Variants in CDKL4 observed in about 807,000 individuals in gnomAD.
CDKL4 encodes cyclin dependent kinase like 4, also known as cyclin-dependent kinase-like 4.
In CDKL4, 44 loss-of-function variants were observed where a neutral mutation model predicts 42.0. The observed-to-expected ratio is 1.05, with a 90% CI of 0.82 to 1.35. The LOEUF is 1.35. Ranked by LOEUF, CDKL4 falls within the 40% of genes most tolerant of loss-of-function variation. CDKL4 has a pLI of 0.00. For synonymous variants in CDKL4, 120 were observed against 121.6 expected, an observed-to-expected ratio of 0.99 and a Z score of 0.09; for missense variants, 393 against 369.9, an observed-to-expected ratio of 1.06 and a Z score of -0.51.
intron 3 of CDKL4, among the ~76,000 whole-genome samples, chr2:39,213,978 C>A (rs1041984135): frequency 6.6e-6 from 1 of 151,984 alleles, no homozygotes; most frequent in East Asian, 1.9e-4. Context: ...AGTGCAGTGG[C>A]ATGATCTCAG....
At chr2:39,239,085 C>T (rs1052999186) in intron 1 of CDKL4, among the ~76,000 whole-genome samples, 1 of 152,082 alleles carries the variant, frequency 6.6e-6, no homozygotes, top group Non-Finnish European at 1.5e-5. Flanking sequence ...TGCAGCAATT[C>T]GACAAGGAAA....
chr2:39,184,390 A>C (rs1287240314), intron 8 of CDKL4, among the ~76,000 whole-genome samples: 1 of 152,142 alleles, frequency 6.6e-6, no homozygotes, highest in African/African-American at 2.4e-5. Flanking sequence ...CTCATCTACT[A>C]ATGTTAATAG....
At chr2:39,207,069 C>T (rs866739557) in intron 4 of CDKL4, among the ~76,000 whole-genome samples, 18 of 152,102 alleles carry the variant, frequency 1.2e-4, no homozygotes, top group African/African-American at 4.1e-4. Context: ...CTTAAAAGTA[C>T]TAAGGCCTTA....
intron 5 of CDKL4, among the ~76,000 whole-genome samples, chr2:39,199,035 T>C (rs1178624979): frequency 2.0e-5 from 3 of 151,834 alleles, no homozygotes. Context: ...CCACAAAAGA[T>C]AAATGAAACA....
At chr2:39,215,393 G>A (rs1677855166) in intron 3 of CDKL4, among the ~76,000 whole-genome samples, 1 of 152,008 alleles carries the variant, frequency 6.6e-6, no homozygotes, top group Non-Finnish European at 1.5e-5. Context: ...TGTTATATAT[G>A]CTGCAAATAT....
At position 39,185,332 on chromosome 2, in the gene CDKL4, A is replaced by G. The variant is rs1327685976; in HGVS notation, c.736-685T>C. On this transcript the variant is annotated intron_variant, in intron 7 of 9. Transcript: ENST00000451199. ...TGTATATATACATATATATACACAT[A>G]TGTATATATATACACATATGTATAT... Among the ~76,000 whole-genome samples the G allele has an allele frequency of 9.6e-5, 10 of 104,688 alleles. 2 individuals are homozygous for G. Among genetic ancestry groups the G allele is most frequent in the East Asian group, 2.4e-4 (1 of 4,138 alleles). 68.7% of individuals were successfully genotyped at this position (104,688 alleles called of 152,430 possible).
intron 1 of CDKL4, among the ~76,000 whole-genome samples, 126 bp downstream of exon 1, chr2:39,243,745 G>A (rs1031998229): frequency 3.3e-5 from 5 of 152,216 alleles, no homozygotes; most frequent in African/African-American, 1.2e-4. Flanking sequence ...AGGCGGTCCC[G>A]CTTTTCTTTC....
chr2:39,173,560 A>G (rs1263097764), downstream of CDKL4, among the ~76,000 whole-genome samples: 1 of 152,146 alleles, frequency 6.6e-6, no homozygotes, highest in African/African-American at 2.4e-5. Flanking sequence ...CTGTAATCCC[A>G]GCACTTTGGG....
exon 6 of CDKL4, chr2:39,190,309 T>C (rs769521120): frequency 3.7e-6 from 6 of 1,613,710 alleles, no homozygotes; most frequent in Non-Finnish European, 5.1e-6. Context: ...TCATACCTAG[T>C]GTTCTGATTA....
chr2:39,210,567 G>A (rs879935044), intron 4 of CDKL4, among the ~76,000 whole-genome samples: 1 of 152,080 alleles, frequency 6.6e-6, no homozygotes, highest in Non-Finnish European at 1.5e-5. Context: ...TCCAATTTAG[G>A]TATTAAAGAG....
chr2:39,220,981 TTTTTTTTTTTTTTTTTTTTG>T (rs1678294100), intron 3 of CDKL4, among the ~76,000 whole-genome samples: 1 of 40,676 alleles, frequency 2.5e-5, no homozygotes, highest in African/African-American at 4.5e-5. Context: ...ACGATCTTTT[TTTTTTTTTTTTTTTTTTTTG>T]TTTTTTTTTT....
At chr2:39,236,802 G>C (rs534852152) in intron 1 of CDKL4, among the ~76,000 whole-genome samples, 1 of 152,242 alleles carries the variant, frequency 6.6e-6, no homozygotes, top group South Asian at 2.1e-4. Flanking sequence ...GGTTGGACAA[G>C]TGCCTAGAAA....
intron 3 of CDKL4, among the ~76,000 whole-genome samples, chr2:39,214,695 T>C (rs1677807273): frequency 6.6e-6 from 1 of 152,188 alleles, no homozygotes; most frequent in African/African-American, 2.4e-5. Flanking sequence ...ACTTGGAAGA[T>C]GGCTCTTCAA....
chr2:39,214,147 T>C (rs1371830727), intron 3 of CDKL4, among the ~76,000 whole-genome samples: 1 of 152,154 alleles, frequency 6.6e-6, no homozygotes, highest in African/African-American at 2.4e-5. Context: ...GGTCTTGAAC[T>C]CTCGACCTCA....
downstream of CDKL4, among the ~76,000 whole-genome samples, chr2:39,175,109 A>G (rs1675112367): frequency 6.6e-6 from 1 of 152,160 alleles, no homozygotes; most frequent in African/African-American, 2.4e-5. Flanking sequence ...TGTGTTTACA[A>G]ACCAACCTGA....
chr2:39,197,557 G>A (rs1383602957), intron 5 of CDKL4, among the ~76,000 whole-genome samples: 2 of 152,054 alleles, frequency 1.3e-5, no homozygotes, highest in African/African-American at 4.8e-5. Flanking sequence ...CTAAAATCAA[G>A]ACAAAGGAAA....
intron 3 of CDKL4, among the ~76,000 whole-genome samples, chr2:39,222,062 G>T (rs1044778850): frequency 6.6e-6 from 1 of 152,122 alleles, no homozygotes; most frequent in African/African-American, 2.4e-5. Flanking sequence ...TTTTTTGAGC[G>T]AAAGAATGCT....
intron 8 of CDKL4, among the ~76,000 whole-genome samples, chr2:39,180,544 A>G (rs1370375471): frequency 2.0e-5 from 3 of 152,152 alleles, no homozygotes; most frequent in Non-Finnish European, 4.4e-5. Context: ...AACTAGACTT[A>G]CTGGTCCCTC....
chr2:39,185,132 A>G (rs1157304289), intron 7 of CDKL4, among the ~76,000 whole-genome samples: 3 of 139,654 alleles, frequency 2.1e-5, no homozygotes, highest in Non-Finnish European at 4.6e-5. Flanking sequence ...ACACACATAT[A>G]TATACATATA....
Sources: allele counts gnomAD v4.1 joint callset (sites outside exome capture counted in the v4.1 genomes callset), GRCh38; gene constraint gnomAD v4.1.1; transcripts MANE v1.5; gene names NCBI Gene and HGNC (gene_info 2026-07-23, HGNC 2026-07-21).